Variants in GLIS3 observed in about 807,000 individuals in gnomAD.
GLIS3 encodes the protein GLIS family zinc finger 3, also known as zinc finger protein GLIS3.
Under a neutral mutation model 78.6 loss-of-function variants are expected in GLIS3, and 53 were observed. That is an observed-to-expected ratio of 0.67 (90% CI 0.54 to 0.85). The LOEUF (loss-of-function observed/expected upper bound fraction) is 0.85. Among genes scored for constraint, GLIS3 ranks in the 40% least tolerant of loss-of-function variants. GLIS3 has a pLI of 0.00. For missense variants in GLIS3, 1,703 were observed against 1,231.1 expected, an observed-to-expected ratio of 1.38 and a Z score of -5.74; for synonymous variants, 684 against 509.9, an observed-to-expected ratio of 1.34 and a Z score of -4.60.
the GLIS3 span, among the ~76,000 whole-genome samples, chr9:4,431,939 C>A: frequency 6.6e-6 from 1 of 151,520 alleles, no homozygotes; most frequent in Non-Finnish European, 1.5e-5. Context: ...CACTGTAGCA[C>A]AAAAGTAGCC....
the GLIS3 span, among the ~76,000 whole-genome samples, chr9:4,428,889 G>A: frequency 1.3e-5 from 2 of 152,066 alleles, no homozygotes; most frequent in African/African-American, 4.8e-5. Flanking sequence ...TTCCCATTAA[G>A]GCACATGAGT....
intron 6 of GLIS3, among the ~76,000 whole-genome samples, chr9:3,919,601 A>G (rs936827864): frequency 2.0e-5 from 3 of 151,972 alleles, no homozygotes; most frequent in African/African-American, 7.3e-5. Context: ...TTACCTATAT[A>G]ACAAACCTGC....
intron 1 of GLIS3, chr9:4,298,581 T>A: frequency 3.2e-6 from 1 of 310,844 alleles, no homozygotes; most frequent in South Asian, 2.5e-5. Context: ...GACTTCAAAA[T>A]ACACACAGGG....
At chr9:4,193,240 C>T (rs1260077551) in intron 2 of GLIS3, among the ~76,000 whole-genome samples, 1 of 152,120 alleles carries the variant, frequency 6.6e-6, no homozygotes, top group Admixed American at 6.5e-5. Context: ...TTTGAAAAAT[C>T]AAAAGAAAAA....
At chr9:4,020,987 T>A (rs114936622) in intron 4 of GLIS3, among the ~76,000 whole-genome samples, 3 of 152,104 alleles carry the variant, frequency 2.0e-5, no homozygotes, top group Non-Finnish European at 4.4e-5. Flanking sequence ...GTCTTAGGGA[T>A]TGAAAAAGAC....
At chr9:4,082,206 T>C (rs1828607970) in intron 4 of GLIS3, among the ~76,000 whole-genome samples, 1 of 152,230 alleles carries the variant, frequency 6.6e-6, no homozygotes, top group Non-Finnish European at 1.5e-5. Context: ...GGCAGCAATT[T>C]AAATGTGGCA....
intron 2 of GLIS3, among the ~76,000 whole-genome samples, chr9:4,339,377 C>T (rs1234173197): frequency 6.6e-6 from 1 of 152,160 alleles, no homozygotes; most frequent in Non-Finnish European, 1.5e-5. Context: ...ACATGCTTCA[C>T]TCTACTTTTT....
At chr9:3,927,341 T>C (rs1195201151) in intron 6 of GLIS3, among the ~76,000 whole-genome samples, 1 of 152,226 alleles carries the variant, frequency 6.6e-6, no homozygotes, top group Non-Finnish European at 1.5e-5. Context: ...CCAAATAATT[T>C]TGAGCAACGC....
chr9:4,230,453 C>A (rs1314108964), intron 2 of GLIS3, among the ~76,000 whole-genome samples: 1 of 152,112 alleles, frequency 6.6e-6, no homozygotes, highest in Non-Finnish European at 1.5e-5. Flanking sequence ...CTGAAAATAC[C>A]CAGATAGCCA....
At chr9:4,195,500 G>C (rs540778904) in intron 2 of GLIS3, among the ~76,000 whole-genome samples, 1 of 152,240 alleles carries the variant, frequency 6.6e-6, no homozygotes. Flanking sequence ...CCAGCACCGC[G>C]CTCGAATTCT....
intron 5 of GLIS3, among the ~76,000 whole-genome samples, chr9:3,934,758 C>G (rs1275927244): frequency 6.6e-6 from 1 of 152,160 alleles, no homozygotes; most frequent in Non-Finnish European, 1.5e-5. Flanking sequence ...TACACACCCA[C>G]TGTTCCTCTC....
intron 4 of GLIS3, among the ~76,000 whole-genome samples, chr9:4,064,383 C>T (rs1478496131): frequency 6.6e-6 from 1 of 151,714 alleles, no homozygotes; most frequent in Non-Finnish European, 1.5e-5. Flanking sequence ...CTATGACTAC[C>T]AAAAATTTAA....
At chr9:4,422,728 G>C in the GLIS3 span, among the ~76,000 whole-genome samples, 2 of 152,188 alleles carry the variant, frequency 1.3e-5, no homozygotes, top group Non-Finnish European at 2.9e-5. Flanking sequence ...AAGTGAAGCA[G>C]GTTAATGAGA....
chr9:3,989,200 T>C (rs1256251183), intron 4 of GLIS3, among the ~76,000 whole-genome samples: 3 of 152,118 alleles, frequency 2.0e-5, no homozygotes, highest in Non-Finnish European at 4.4e-5. Flanking sequence ...CAATGAAATA[T>C]TACTACATGC....
chr9:4,153,811 C>T (rs1834858577), intron 2 of GLIS3, among the ~76,000 whole-genome samples: 1 of 152,222 alleles, frequency 6.6e-6, no homozygotes, highest in South Asian at 2.1e-4. Flanking sequence ...TCTACTGCTA[C>T]ATAGCAAACC....
chr9:4,219,369 G>T (rs755761055), intron 2 of GLIS3, among the ~76,000 whole-genome samples: 2 of 152,212 alleles, frequency 1.3e-5, no homozygotes. Context: ...GACAAGACAA[G>T]GGTAATCTGG....
chr9:4,297,245 G>C (rs1194735127), intron 1 of GLIS3, among the ~76,000 whole-genome samples: 1 of 152,196 alleles, frequency 6.6e-6, no homozygotes, highest in Non-Finnish European at 1.5e-5. Flanking sequence ...AGAGGGGACA[G>C]AACCAGACTT....
At chr9:3,929,200 G>C (rs760899816) in intron 6 of GLIS3, among the ~76,000 whole-genome samples, 1 of 152,150 alleles carries the variant, frequency 6.6e-6, no homozygotes, top group African/African-American at 2.4e-5. Flanking sequence ...TAATGGACTC[G>C]AGATCTGCAA....
chr9:3,855,844 C>T (rs1819746278), intron 9 of GLIS3, 165 bp downstream of exon 9: 1 of 750,748 alleles, frequency 1.3e-6, no homozygotes, highest in Admixed American at 2.1e-5. Context: ...AGGAAAATAC[C>T]ATAGGATTTC....
Sources: allele counts gnomAD v4.1 joint callset (sites outside exome capture counted in the v4.1 genomes callset), GRCh38; gene constraint gnomAD v4.1.1; transcripts MANE v1.5; gene names NCBI Gene and HGNC (gene_info 2026-07-23, HGNC 2026-07-21).